The following KCNAB1 variants were observed in gnomAD, a reference collection of about 807,000 sequenced individuals.
KCNAB1 encodes the protein voltage-gated potassium channel subunit beta-1.
Under a neutral mutation model 64.6 loss-of-function variants are expected in KCNAB1, and 35 were observed. That is an observed-to-expected ratio of 0.54 (90% CI 0.41 to 0.72). The LOEUF is 0.72. Among genes scored for constraint, KCNAB1 ranks in the 30% least tolerant of loss-of-function variants. The probability of loss-of-function intolerance (pLI) is 0.00; values close to 1 mark genes in which losing one functional copy is unlikely to be tolerated. For synonymous variants in KCNAB1, 177 were observed against 183.8 expected, an observed-to-expected ratio of 0.96 and a Z score of 0.30; for missense variants, 401 against 512.9, an observed-to-expected ratio of 0.78 and a Z score of 2.11.
intron 1 of KCNAB1, among the ~76,000 whole-genome samples, chr3:156,247,817 C>T (rs1026564442): frequency 5.9e-5 from 9 of 152,058 alleles, no homozygotes; most frequent in South Asian, 4.1e-4. Flanking sequence ...TGCCCACCTC[C>T]GCCTCCCAAA....
intron 1 of KCNAB1, among the ~76,000 whole-genome samples, chr3:156,205,388 T>C (rs554584014): frequency 6.6e-6 from 1 of 152,320 alleles, no homozygotes; most frequent in South Asian, 2.1e-4. Context: ...CTATTCCACT[T>C]TGCTTTGCAT....
At chr3:156,355,127 T>C (rs1458444973) in intron 1 of KCNAB1, among the ~76,000 whole-genome samples, 2 of 152,240 alleles carry the variant, frequency 1.3e-5, no homozygotes, top group Non-Finnish European at 2.9e-5. Context: ...AAAAGATTAA[T>C]CATGTGTCAC....
At chr3:156,213,046 G>A (rs528558069) in intron 1 of KCNAB1, among the ~76,000 whole-genome samples, 4 of 152,250 alleles carry the variant, frequency 2.6e-5, no homozygotes, top group African/African-American at 9.6e-5. Context: ...GAAGCAGGGA[G>A]ATCTGGGCCA....
chr3:156,135,204 C>G (rs1714268108), intron 1 of KCNAB1, among the ~76,000 whole-genome samples: 2 of 151,996 alleles, frequency 1.3e-5, no homozygotes, highest in Admixed American at 1.3e-4. Context: ...ATCATGTTGG[C>G]CAGGCTGATC....
intron 1 of KCNAB1, among the ~76,000 whole-genome samples, chr3:156,230,159 T>TG (rs1429915921): frequency 2.6e-5 from 4 of 152,226 alleles, no homozygotes; most frequent in African/African-American, 9.6e-5. Context: ...TGTGGCCTTG[T>TG]GTTCATTTAT....
intron 1 of KCNAB1, chr3:156,290,968 C>T (rs1473158393): frequency 2.0e-6 from 2 of 985,306 alleles, no homozygotes; most frequent in African/African-American, 1.7e-5. Context: ...GCAAGCCAGT[C>T]ACAGAGTATT....
chr3:156,447,082 A>G (rs978228556), intron 2 of KCNAB1, among the ~76,000 whole-genome samples: 1 of 152,086 alleles, frequency 6.6e-6, no homozygotes, highest in Non-Finnish European at 1.5e-5. Context: ...CTCCCTCCAG[A>G]TAAGCGCCTG....
intron 1 of KCNAB1, among the ~76,000 whole-genome samples, chr3:156,148,277 T>TTG (rs533045580): frequency 3.0e-4 from 46 of 152,132 alleles, no homozygotes; most frequent in Admixed American, 7.2e-4. Flanking sequence ...TGTTAGTTAT[T>TTG]TGTGTGTGTG....
chr3:156,429,622 T>C (rs551612745), intron 2 of KCNAB1, among the ~76,000 whole-genome samples: 24 of 152,320 alleles, frequency 1.6e-4, no homozygotes, highest in African/African-American at 5.5e-4. Flanking sequence ...ATTTTGACAC[T>C]AGGAGAACAC....
chr3:156,298,452 C>A (rs1294115962), intron 1 of KCNAB1, among the ~76,000 whole-genome samples: 1 of 152,124 alleles, frequency 6.6e-6, no homozygotes, highest in African/African-American at 2.4e-5. Flanking sequence ...TAAAGAAATT[C>A]TTTTTTAAAA....
chr3:156,357,766 A>G (rs1274718326), intron 1 of KCNAB1, among the ~76,000 whole-genome samples: 1 of 149,142 alleles, frequency 6.7e-6, no homozygotes, highest in Non-Finnish European at 1.5e-5. Flanking sequence ...TCAATATATC[A>G]TAATGTAAAA....
At chr3:156,294,298 A>C (rs1720645045) in intron 1 of KCNAB1, among the ~76,000 whole-genome samples, 2 of 152,184 alleles carry the variant, frequency 1.3e-5, no homozygotes, top group African/African-American at 2.4e-5. Flanking sequence ...TCTTAAGGTA[A>C]CTAAACAAGA....
At chr3:156,199,901 G>C (rs955380751) in intron 1 of KCNAB1, among the ~76,000 whole-genome samples, 1 of 152,174 alleles carries the variant, frequency 6.6e-6, no homozygotes, top group Non-Finnish European at 1.5e-5. Flanking sequence ...AAGAGGCATT[G>C]TGGTTTTTGA....
At chr3:156,148,606 A>T (rs1288435864) in intron 1 of KCNAB1, among the ~76,000 whole-genome samples, 1 of 152,236 alleles carries the variant, frequency 6.6e-6, no homozygotes, top group Non-Finnish European at 1.5e-5. Flanking sequence ...CATTATAAGA[A>T]ATCCATAAAG....
At chr3:156,139,777 A>C (rs1281056061) in intron 1 of KCNAB1, among the ~76,000 whole-genome samples, 1 of 151,996 alleles carries the variant, frequency 6.6e-6, no homozygotes, top group African/African-American at 2.4e-5. Flanking sequence ...TGCAATGTTG[A>C]TTGTGCACAA....
intron 1 of KCNAB1, among the ~76,000 whole-genome samples, chr3:156,401,243 CTCT>C (rs1559866733): frequency 6.6e-6 from 1 of 152,024 alleles, no homozygotes; most frequent in East Asian, 1.9e-4. Context: ...TCATTGCTAA[CTCT>C]TCTTCTCTCC....
At chr3:156,335,175 G>C (rs1723602236) in intron 1 of KCNAB1, among the ~76,000 whole-genome samples, 1 of 152,186 alleles carries the variant, frequency 6.6e-6, no homozygotes, top group Non-Finnish European at 1.5e-5. Flanking sequence ...TAATTTTCCT[G>C]TCTCAGTGAC....
At chr3:156,478,693 A>G (rs932505546) in intron 8 of KCNAB1, among the ~76,000 whole-genome samples, 1 of 152,214 alleles carries the variant, frequency 6.6e-6, no homozygotes, top group Non-Finnish European at 1.5e-5. Context: ...CTACCATGAA[A>G]TGATGTTAAT....
intron 1 of KCNAB1, among the ~76,000 whole-genome samples, chr3:156,354,218 G>A (rs189480525): frequency 7.6e-4 from 114 of 150,232 alleles, no homozygotes; most frequent in Non-Finnish European, 1.4e-3. Flanking sequence ...GTGTAATGGC[G>A]TTGGTGTGAT....
Sources: gnomAD v4.1 joint callset for allele counts (sites outside exome capture counted in the v4.1 genomes callset) on GRCh38, gnomAD v4.1.1 for gene constraint, MANE v1.5 for transcripts, NCBI Gene and HGNC (gene_info 2026-07-23, HGNC 2026-07-21) for gene names.